ABCC2: variants seen among roughly 807,000 people sequenced by gnomAD.
ABCC2 encodes ATP-binding cassette sub-family C member 2.
A neutral mutation model predicts 173.4 loss-of-function variants in ABCC2; 157 were observed. That is an observed-to-expected ratio of 0.91 (90% confidence interval 0.80 to 1.03). The LOEUF (loss-of-function observed/expected upper bound fraction) is 1.03. Among genes scored for constraint, ABCC2 ranks in the 50% least tolerant of loss-of-function variants. The pLI is 0.00. For synonymous variants in ABCC2, 657 were observed against 693.5 expected, an observed-to-expected ratio of 0.95 and a Z score of 0.83; for missense variants, 1,822 against 1,852.3, an observed-to-expected ratio of 0.98 and a Z score of 0.30.
chr10:99,800,540 A>G lies in ABCC2; in HGVS notation c.1186A>G (p.Ile396Val), dbSNP rs1590150728. Residue 396 changes from isoleucine (I) to valine (V), a missense_variant, in exon 9 of 32, where the codon ATC becomes GTC. Transcript: ENST00000647814. ...GCTGGGTGTAAAAGTACGGACAGCT[A>G]TCATGGCTTCTGTATATAAGAAGGT... ...FKLGVKVRTA[I>V]MASVYKKALT... 6.2e-7 allele frequency: 1 copy of G among 1,614,156 alleles called. No homozygotes were observed. The highest frequency in any genetic ancestry group is 2.2e-5 in the East Asian group (1 of 44,890).
intron 19 of ABCC2, among the ~76,000 whole-genome samples, chr10:99,820,957 C>T (rs2038525850): frequency 6.6e-6 from 1 of 152,076 alleles, no homozygotes; most frequent in Admixed American, 6.5e-5. Flanking sequence ...TGGAGGATCC[C>T]GCCAGCCTCT....
rs574319283 is a variant in ABCC2, at chr10:99,808,233, G to A, written c.1815+4G>A. 1,683 of 1,613,984 alleles carry A rather than the reference G, an allele frequency of 1.0e-3. 26 individuals are homozygous for A. The South Asian group carries it at 0.018, about 17-fold the overall frequency. On this transcript the variant is annotated splice_donor_region_variant and intron_variant, in intron 13 of 31. Transcript: ENST00000647814. Reference sequence around the variant, plus strand: ...GATGATCTCCTCCATGCTCCAGGTAGGTCGGCATTCTCACTGCTAACTCCC... The same window carrying A: ...GATGATCTCCTCCATGCTCCAGGTAAGTCGGCATTCTCACTGCTAACTCCC...
chr10:99,845,289 T>C (rs963639349), intron 28 of ABCC2, among the ~76,000 whole-genome samples: 1 of 152,154 alleles, frequency 6.6e-6, no homozygotes, highest in Non-Finnish European at 1.5e-5. Flanking sequence ...TGCCTTGGCC[T>C]CCCGAAGTGC....
intron 19 of ABCC2, among the ~76,000 whole-genome samples, chr10:99,825,400 A>G (rs1194236402): frequency 1.3e-5 from 2 of 152,236 alleles, no homozygotes; most frequent in Admixed American, 1.3e-4. Context: ...CATCTGCTCC[A>G]GTGTCTACCA....
Position 99,810,992 on chromosome 10 carries a change from C to A in ABCC2, c.1901-544C>A, listed in dbSNP as rs531979849. On this transcript the variant is annotated intron_variant, in intron 14 of 31. Coordinates refer to ENST00000647814, the MANE Select transcript of ABCC2 (RefSeq NM_000392.5). The stretch of plus-strand genomic sequence containing the variant: ...TGAGCTGAGATTGCGCCATTGCACT[C>A]CAGCCTAGGCAACAAGAGTGAAACT... Among the ~76,000 whole-genome samples, 5 of 151,544 alleles carry A rather than the reference C, an allele frequency of 3.3e-5. No individual in the cohort carries two copies. The East Asian group carries it at 9.7e-4, about 29-fold the overall frequency.
At chr10:99,832,175 G>T in intron 23 of ABCC2, 44 bp downstream of exon 23, 1 of 1,612,570 alleles carries the variant, frequency 6.2e-7, no homozygotes, top group East Asian at 2.2e-5. Context: ...TATATACTGA[G>T]GATCTTTCTG....
chr10:99,816,387 G>A lies in ABCC2; in HGVS notation c.2095-921G>A, dbSNP rs182668035. Reference sequence around the variant, plus strand: ...CAGCCTCTGCCTCCTGGGTTCAAGCGATTCTCCTGCCTCAGCCTCCCGAGT... The same window carrying A: ...CAGCCTCTGCCTCCTGGGTTCAAGCAATTCTCCTGCCTCAGCCTCCCGAGT... On this transcript the variant is annotated intron_variant, in intron 16 of 31. Transcript: ENST00000647814. Among the ~76,000 whole-genome samples, 1,035 of 149,912 alleles carry A rather than the reference G, an allele frequency of 6.9e-3. 6 individuals carry two copies. Among genetic ancestry groups the A allele is most frequent in the Non-Finnish European group, 0.011 (763 of 67,404 alleles).
intron 11 of ABCC2, among the ~76,000 whole-genome samples, chr10:99,806,034 A>C (rs1042547585): frequency 4.0e-5 from 6 of 150,968 alleles, no homozygotes; most frequent in African/African-American, 1.5e-4. Context: ...CATGATATTT[A>C]ATTGATAGTG....
Position 99,792,339 on chromosome 10 carries a change from A to C in ABCC2, c.313A>C (p.Ser105Arg). 1 of 1,614,092 alleles carries C rather than the reference A, an allele frequency of 6.2e-7. No individual in the cohort carries two copies. Among genetic ancestry groups the C allele is most frequent in the South Asian group, 1.1e-5 (1 of 91,086 alleles). The change falls in exon 3 of 32, where the codon AGC becomes CGC. Residue 105 changes from serine (S) to arginine (R), a missense_variant. Transcript: ENST00000647814. ...TVPAVRYTNP[S>R]LYLGTWLLVL... is the part of the protein sequence containing the mutation. ...CCCTGCTGTTCGATATACCAATCCA[A>C]GCCTCTACCTAGGCACATGGGTAAG...
intron 13 of ABCC2, among the ~76,000 whole-genome samples, chr10:99,809,357 C>G (rs919275439): frequency 1.3e-5 from 2 of 152,034 alleles, no homozygotes; most frequent in Non-Finnish European, 2.9e-5. Context: ...CATCTCAAAA[C>G]AAAACAAAAC....
chr10:99,849,190 A>G (rs994555776), intron 30 of ABCC2, among the ~76,000 whole-genome samples: 1 of 152,188 alleles, frequency 6.6e-6, no homozygotes, highest in African/African-American at 2.4e-5. Flanking sequence ...AGATTGCGCC[A>G]TTGCACTCCA....
intron 2 of ABCC2, 100 bp downstream of exon 2, chr10:99,784,881 T>G: frequency 6.3e-6 from 9 of 1,437,356 alleles, no homozygotes; most frequent in South Asian, 1.2e-5. Flanking sequence ...TAAGCAGCTG[T>G]CCCAGGTGCC....
Position 99,807,521 on chromosome 10 carries a change from G to A in ABCC2, c.1668G>A (p.Leu556=), listed in dbSNP as rs2038133797. The A allele has an allele frequency of 6.2e-7, 1 of 1,614,100 alleles. No individual in the cohort carries two copies. The highest frequency in any genetic ancestry group is 1.1e-5 in the South Asian group (1 of 91,084). The part of the protein sequence containing the change: ...VIFVFQLTPV[L]VSVVTFSVYV... ...TCGTCTTCCAGTTAACTCCAGTCCT[G>A]GTGAGTAGCAGAGGGGTCCATGGGC... is the stretch of plus-strand genomic sequence containing the variant. Residue 556 remains leucine (L), a splice_region_variant and synonymous_variant, in exon 12 of 32, where the codon CTG becomes CTA. Coordinates refer to ENST00000647814, the MANE Select transcript of ABCC2 (RefSeq NM_000392.5).
At chr10:99,810,563 G>T (rs2038192193) in intron 14 of ABCC2, among the ~76,000 whole-genome samples, 1 of 152,214 alleles carries the variant, frequency 6.6e-6, no homozygotes, top group Non-Finnish European at 1.5e-5. Context: ...AAGATTGGGG[G>T]CCAGCCATGG....
chr10:99,842,895 C>CAA (rs200521156), intron 26 of ABCC2, among the ~76,000 whole-genome samples: 1 of 151,558 alleles, frequency 6.6e-6, no homozygotes, highest in African/African-American at 2.4e-5. Context: ...ACTAAAAATA[C>CAA]AAAAAAAATT....
chr10:99,801,172 A>G (rs1488176395), intron 9 of ABCC2, among the ~76,000 whole-genome samples: 5 of 151,866 alleles, frequency 3.3e-5, no homozygotes, highest in South Asian at 2.1e-4. Context: ...AAGCTTTTTC[A>G]TTTCCTTAAG....
intron 16 of ABCC2, among the ~76,000 whole-genome samples, chr10:99,814,654 C>T (rs1233158464): frequency 1.7e-5 from 2 of 115,664 alleles, no homozygotes; most frequent in East Asian, 2.4e-4. Context: ...CATATACACA[C>T]ACATATGTGT....
chr10:99,829,244 C>A, intron 19 of ABCC2, among the ~76,000 whole-genome samples: 1 of 152,122 alleles, frequency 6.6e-6, no homozygotes, highest in East Asian at 1.9e-4. Flanking sequence ...GGCTGCTAGG[C>A]TGCTGGTTTT....
chr10:99,830,058 C>G (rs532333185), intron 19 of ABCC2, among the ~76,000 whole-genome samples: 1 of 152,360 alleles, frequency 6.6e-6, no homozygotes, highest in South Asian at 2.1e-4. Context: ...GAATTTTCTT[C>G]TCCATTTTGA....
Sources: allele counts gnomAD v4.1 joint callset (sites outside exome capture counted in the v4.1 genomes callset), GRCh38; gene constraint gnomAD v4.1.1; transcripts MANE v1.5; gene names NCBI Gene and HGNC (gene_info 2026-07-23, HGNC 2026-07-21).